The following HOMER2 variants were observed in gnomAD, a reference collection of about 807,000 sequenced individuals.
HOMER2 encodes homer scaffold protein 2.
A neutral mutation model predicts 47.0 loss-of-function variants in HOMER2; 27 were observed. That is an observed-to-expected ratio of 0.57 (90% confidence interval 0.42 to 0.79). The LOEUF (loss-of-function observed/expected upper bound fraction) is 0.79. HOMER2 is among the 30% of genes least tolerant of loss of function. HOMER2 has a pLI of 0.00. For missense variants in HOMER2, 443 were observed against 435.0 expected (o/e 1.02, Z -0.16); for synonymous variants, 161 against 163.8 (o/e 0.98, Z 0.13).
At chr15:82,971,121 G>A (rs2029972717) in intron 1 of HOMER2, among the ~76,000 whole-genome samples, 1 of 152,230 alleles carries the variant, frequency 6.6e-6, no homozygotes. Flanking sequence ...CCTGTTTACT[G>A]AGAACATCAT....
At chr15:82,889,684 C>A (rs931855585) in intron 2 of HOMER2, among the ~76,000 whole-genome samples, 1 of 152,190 alleles carries the variant, frequency 6.6e-6, no homozygotes, top group Non-Finnish European at 1.5e-5. Flanking sequence ...GGGGACCAGG[C>A]AGCAGCAACA....
intron 4 of HOMER2, among the ~76,000 whole-genome samples, chr15:82,860,619 ATATT>A (rs2151625713): frequency 6.6e-6 from 1 of 152,162 alleles, no homozygotes; most frequent in East Asian, 1.9e-4. Flanking sequence ...AAACATAAAA[ATATT>A]TAATCTCACT....
rs1158922417 is a variant in HOMER2, at chr15:82,913,640, G to T, written c.6-20799C>A. Among the ~76,000 whole-genome samples the T allele has an allele frequency of 6.6e-6, 1 of 152,156 alleles. No individual in the cohort carries two copies. Among genetic ancestry groups the T allele is most frequent in the African/African-American group, 2.4e-5 (1 of 41,434 alleles). On this transcript the variant is annotated intron_variant, in intron 1 of 8. Transcript: ENST00000450735. This position sits in a 1 kb window ranked among gnomAD's most constrained non-coding sequence, Gnocchi z 4.1. ...AAGAGTAAACTATTGACGGTAGACA[G>T]CAGATCACACAGTCAAGCTTTGCAT...
rs531123644 is a variant in HOMER2 at position 82,927,968 on chromosome 15, C to T, written c.5+24563G>A. On this transcript the variant is annotated intron_variant, in intron 1 of 8. Coordinates refer to ENST00000450735, the MANE Select transcript of HOMER2 (RefSeq NM_004839.4). ...GCCTGGACAACAAGAGCAAAAACTC[C>T]GTCTCAAAAAAAAAAAAAAAAAAAA... Among the ~76,000 whole-genome samples, 3 of 139,934 alleles carry T rather than the reference C, an allele frequency of 2.1e-5. No individual in the cohort carries two copies. The South Asian group carries it at 6.7e-4, about 31-fold the overall frequency. 91.8% of individuals were successfully genotyped at this position (139,934 alleles called of 152,430 possible). A position where few individuals can be genotyped will look rare whatever the true frequency, so the allele number is the denominator to read the frequency against.
chr15:82,859,041 G>C lies in HOMER2; in HGVS notation c.482C>G (p.Ala161Gly). 6.2e-7 allele frequency: 1 copy of C among 1,613,792 alleles called. No homozygotes were observed. The highest frequency in any genetic ancestry group is 8.5e-7 in the Non-Finnish European group (1 of 1,179,778). The part of the protein sequence containing the change: ...LKSENDKLKI[A>G]LTQSAANVKK... Reference sequence around the variant, plus strand: ...AAAACAGCCTTACCTCTGCGTCAAGGCAATCTTCAGCTTGTCATTCTCAGA... The same window carrying C: ...AAAACAGCCTTACCTCTGCGTCAAGCCAATCTTCAGCTTGTCATTCTCAGA... Residue 161 changes from alanine to glycine, a missense_variant, in exon 5 of 9, where the codon GCC (alanine) becomes GGC (glycine). By Grantham distance (60) the Ala-to-Gly change is moderately conservative. Coordinates refer to ENST00000450735, the MANE Select transcript of HOMER2 (RefSeq NM_004839.4).
upstream of HOMER2, among the ~76,000 whole-genome samples, chr15:82,954,081 AT>A (rs2054560174): frequency 6.6e-6 from 1 of 152,070 alleles, no homozygotes; most frequent in Non-Finnish European, 1.5e-5. Context: ...TCTCAAAAAA[AT>A]AAATAAATAA....
intron 6 of HOMER2, among the ~76,000 whole-genome samples, chr15:82,853,516 C>T (rs1567013060): frequency 6.6e-6 from 1 of 152,084 alleles, no homozygotes; most frequent in Non-Finnish European, 1.5e-5. Context: ...AGGGGCCCTC[C>T]AGGTCGGGCA....
At chr15:82,939,470 C>T (rs2054214239) in intron 1 of HOMER2, among the ~76,000 whole-genome samples, 2 of 152,124 alleles carry the variant, frequency 1.3e-5, no homozygotes, top group South Asian at 4.1e-4. Flanking sequence ...AGTTCGAGAC[C>T]AGCCTGGCCA....
chr15:82,871,613 C>CA (rs1335771085), intron 3 of HOMER2, among the ~76,000 whole-genome samples: 1 of 152,222 alleles, frequency 6.6e-6, no homozygotes, highest in African/African-American at 2.4e-5. Flanking sequence ...CTGAGGGCTT[C>CA]TCTGACAAGT....
chr15:82,854,653 G>T lies in HOMER2; in HGVS notation c.642C>A (p.Leu214=). ...CATCCACCGTACCCACCTTGTTGCG[G>T]AGCCGGTCATTCTCATCACGGCAGA... ...FSICRDENDR[L]RNKIDELEEQ... is the part of the protein sequence containing the mutation. The change falls in exon 6 of 9, where the codon CTC becomes CTA. Residue 214 remains leucine, a synonymous_variant. Transcript: ENST00000450735. 1 of 1,612,284 alleles carries T rather than the reference G, an allele frequency of 6.2e-7. No individual in the cohort carries two copies.
In HOMER2 at chr15:82,952,042, C is replaced by T. The variant is rs1023299765; in HGVS notation, c.5+489G>A. On this transcript the variant is annotated intron_variant, in intron 1 of 8. Transcript: ENST00000450735. ...CCTTATAGACTTCCATCATCTTCAGCATCTCAAAGCAGATCCAAAGTCCAC... is the reference window on the plus strand; with the variant it reads ...CCTTATAGACTTCCATCATCTTCAGTATCTCAAAGCAGATCCAAAGTCCAC... 4 of 984,390 alleles carry T rather than the reference C, an allele frequency of 4.1e-6. No individual in the cohort carries two copies. In the African/African-American group the frequency reaches 5.2e-5, roughly 13 times the overall value. 61.0% of individuals were successfully genotyped at this position (984,390 alleles called of 1,614,324 possible). A position where few individuals can be genotyped will look rare whatever the true frequency, so the allele number is the denominator to read the frequency against.
Position 82,915,311 on chromosome 15 carries a change from T to C in HOMER2, c.6-22470A>G, listed in dbSNP as rs182832084. On this transcript the variant is annotated intron_variant, in intron 1 of 8. Transcript: ENST00000450735. ...TATATAAATTTTGCCATAATTTTTT[T>C]AGAAGACTGGAAAAAAACCCCACTG... Among the ~76,000 whole-genome samples, 43 of 152,306 alleles carry C rather than the reference T, an allele frequency of 2.8e-4. 1 individual carries two copies. Among genetic ancestry groups the C allele is most frequent in the Admixed American group, 2.6e-3 (40 of 15,292 alleles).
intron 1 of HOMER2, among the ~76,000 whole-genome samples, chr15:82,965,210 G>A (rs1340173125): frequency 6.6e-6 from 1 of 152,012 alleles, no homozygotes; most frequent in East Asian, 1.9e-4. Flanking sequence ...GTAGAGACGA[G>A]GTCTCACTAT....
At chr15:82,901,055 C>G (rs2053099032) in intron 1 of HOMER2, among the ~76,000 whole-genome samples, 2 of 152,132 alleles carry the variant, frequency 1.3e-5, no homozygotes, top group Admixed American at 6.5e-5. Context: ...TTTTAAGGAG[C>G]TTTGAACATA....
At chr15:82,945,020 G>A (rs888923289) in intron 1 of HOMER2, among the ~76,000 whole-genome samples, 2 of 151,942 alleles carry the variant, frequency 1.3e-5, no homozygotes, top group African/African-American at 2.4e-5. Context: ...GCTGGGTCTC[G>A]GTCCACCAAC....
chr15:82,909,635 G>A (rs1188591865), intron 1 of HOMER2, among the ~76,000 whole-genome samples: 1 of 152,162 alleles, frequency 6.6e-6, no homozygotes, highest in Non-Finnish European at 1.5e-5. Context: ...GGGCAAGGAG[G>A]TGTAAAGAAC....
chr15:82,861,018 AAAG>A (rs1259168042), intron 4 of HOMER2, among the ~76,000 whole-genome samples: 4 of 150,356 alleles, frequency 2.7e-5, no homozygotes, highest in East Asian at 3.9e-4. Context: ...AAAGAAAACA[AAAG>A]AAAAAAAGAG....
rs575846213 is a variant in HOMER2, at chr15:82,867,734, A to G, written c.295-3475T>C. Among the ~76,000 whole-genome samples, 65 of 152,262 alleles carry G rather than the reference A, an allele frequency of 4.3e-4. 1 individual carries two copies. The highest frequency in any genetic ancestry group is 1.4e-3 in the African/African-American group (60 of 41,546). On this transcript the variant is annotated intron_variant, in intron 3 of 8. Coordinates refer to ENST00000450735, the MANE Select transcript of HOMER2 (RefSeq NM_004839.4). The stretch of plus-strand genomic sequence containing the variant: ...TATTTGGAAATATGTCTTGTTAGTG[A>G]AAAAAACATTCATACCTACTGACCC...
intron 2 of HOMER2, among the ~76,000 whole-genome samples, chr15:82,878,779 C>A (rs2052432959): frequency 6.6e-6 from 1 of 152,162 alleles, no homozygotes; most frequent in African/African-American, 2.4e-5. Context: ...AGGTGTGCAC[C>A]ACCATGCCCA....
Sources: allele counts gnomAD v4.1 joint callset (sites outside exome capture counted in the v4.1 genomes callset), GRCh38; gene constraint gnomAD v4.1.1; non-coding constraint Gnocchi (gnomAD v3.1); transcripts MANE v1.5; gene names NCBI Gene and HGNC (gene_info 2026-07-23, HGNC 2026-07-21).